Variants in SP7 observed in about 807,000 individuals in gnomAD.
SP7 encodes the protein Sp7 transcription factor.
In SP7, 13 loss-of-function variants were observed where a neutral mutation model predicts 27.9. That is an observed-to-expected ratio of 0.47 (90% CI 0.30 to 0.74). SP7 has a LOEUF of 0.74. Among genes scored for constraint, SP7 ranks in the 30% least tolerant of loss-of-function variants. The pLI is 0.06. For synonymous variants in SP7, 219 were observed against 226.7 expected, an observed-to-expected ratio of 0.97 and a Z score of 0.31; for missense variants, 525 against 558.0, an observed-to-expected ratio of 0.94 and a Z score of 0.60.
chr12:53,331,635 C>A (rs1426444105), intron 2 of SP7, among the ~76,000 whole-genome samples: 1 of 152,118 alleles, frequency 6.6e-6, no homozygotes, highest in Admixed American at 6.5e-5. Flanking sequence ...CCTATAGCAT[C>A]CCTGGCTGGC....
At chr12:53,332,742 G>GGGA (rs1186709904) in intron 2 of SP7, among the ~76,000 whole-genome samples, 1 of 152,060 alleles carries the variant, frequency 6.6e-6, no homozygotes, top group Non-Finnish European at 1.5e-5. Context: ...AAAGAAAAGG[G>GGGA]GGAGGAGGAG....
rs1394106832 is a variant in SP7 at position 53,327,645 on chromosome 12, A to C, written c.*501T>G. 6.4e-6 allele frequency: 1 copy of C among 157,182 alleles called. No individual in the cohort carries two copies. Among genetic ancestry groups the C allele is most frequent in the Non-Finnish European group, 1.4e-5 (1 of 70,806 alleles). 9.7% of individuals were successfully genotyped at this position (157,182 alleles called of 1,614,324 possible). ...GTCACTAACCCCAATACCCCTGATG[A>C]AGAGGCCACCAGGGGGCAATAAATT... On this transcript the variant is annotated 3_prime_UTR_variant, in exon 3 of 3. Coordinates refer to ENST00000536324, the MANE Select transcript of SP7 (RefSeq NM_001173467.3).
chr12:53,341,261 C>G (rs2136853935), upstream of SP7, among the ~76,000 whole-genome samples: 1 of 152,314 alleles, frequency 6.6e-6, no homozygotes, highest in South Asian at 2.1e-4. Flanking sequence ...TTCCCTGAGC[C>G]TTGGGTTCCT....
chr12:53,330,861 A>G (rs1002424049), intron 2 of SP7, among the ~76,000 whole-genome samples: 1 of 152,188 alleles, frequency 6.6e-6, no homozygotes, highest in Non-Finnish European at 1.5e-5. Context: ...CTGGAGAGCA[A>G]GAGGAAGTGA....
At chr12:53,330,503 C>G (rs1212568102) in intron 2 of SP7, among the ~76,000 whole-genome samples, 1 of 152,172 alleles carries the variant, frequency 6.6e-6, no homozygotes, top group Non-Finnish European at 1.5e-5. Flanking sequence ...GGACTACAGG[C>G]ACACACCAGG....
At chr12:53,338,016 A>C (rs1944786788), upstream of SP7, among the ~76,000 whole-genome samples, 1 of 152,134 alleles carries the variant, frequency 6.6e-6, no homozygotes, top group Non-Finnish European at 1.5e-5. Context: ...AAAGAAACTA[A>C]AAAGATAAAG....
upstream of SP7, among the ~76,000 whole-genome samples, chr12:53,337,782 T>C (rs1217696993): frequency 6.6e-6 from 1 of 151,930 alleles, no homozygotes; most frequent in Non-Finnish European, 1.5e-5. Context: ...CATGATTTGA[T>C]TTACCTCAAG....
At chr12:53,340,526 T>C (rs1944814033), upstream of SP7, among the ~76,000 whole-genome samples, 1 of 152,156 alleles carries the variant, frequency 6.6e-6, no homozygotes, top group Non-Finnish European at 1.5e-5. Flanking sequence ...TCCCTGGTCC[T>C]GGGGAACCCC....
In SP7 at chr12:53,327,861, G is replaced by C; in HGVS notation, c.*285C>G. On this transcript the variant is annotated 3_prime_UTR_variant, in exon 3 of 3. Transcript: ENST00000536324. ...TGGGAGCCCAAATAGAAAGTGTGTT[G>C]GTGTGGCAGGGCCAGAGTCTAGGAA... is the stretch of plus-strand genomic sequence containing the variant. 2.4e-6 allele frequency: 1 copy of C among 421,384 alleles called. No homozygotes were observed. The highest frequency in any genetic ancestry group is 5.6e-5 in the South Asian group (1 of 17,784). 26.1% of individuals were successfully genotyped at this position (421,384 alleles called of 1,614,324 possible).
At chr12:53,339,890 T>C (rs564399434), upstream of SP7, among the ~76,000 whole-genome samples, 51 of 152,150 alleles carry the variant, frequency 3.4e-4, no homozygotes, top group Admixed American at 3.2e-3. Flanking sequence ...CAACTCTTCA[T>C]TGTTGCTGTT....
intron 2 of SP7, among the ~76,000 whole-genome samples, chr12:53,335,082 C>T (rs1375096392): frequency 1.3e-5 from 2 of 152,020 alleles, no homozygotes; most frequent in Admixed American, 1.3e-4. Context: ...TCTCTCATAG[C>T]CTACCTCCTC....
intron 2 of SP7, among the ~76,000 whole-genome samples, chr12:53,331,467 T>G (rs1275273180): frequency 2.2e-5 from 1 of 44,908 alleles, no homozygotes; most frequent in East Asian, 8.6e-4. Context: ...CAAGACTCCA[T>G]CTCAAAAAAA....
At position 53,328,448 on chromosome 12, in the gene SP7, C is replaced by A; in HGVS notation, c.994G>T (p.Gly332Cys). 6.2e-7 allele frequency: 1 copy of A among 1,613,936 alleles called. No individual in the cohort carries two copies. The highest frequency in any genetic ancestry group is 8.5e-7 in the Non-Finnish European group (1 of 1,179,880). Residue 332 changes from glycine to cysteine, a missense_variant, in exon 3 of 3, where the codon GGC becomes TGC. Gly to Cys is a radical substitution (Grantham distance 159). Coordinates refer to ENST00000536324, the MANE Select transcript of SP7 (RefSeq NM_001173467.3). The surrounding 1 kb of genome is among the most constrained non-coding windows in gnomAD (Gnocchi z 5.1). ...TCATCCGAACGAGTGAACCTCTTGC[C>A]GCAGAAGAGCCAGTTGCAGACGAAG... ...RPFVCNWLFC[G>C]KRFTRSDELE... is the part of the protein sequence containing the mutation.
At chr12:53,331,335 G>T (rs779078672) in intron 2 of SP7, among the ~76,000 whole-genome samples, 48 of 152,008 alleles carry the variant, frequency 3.2e-4, no homozygotes, top group Non-Finnish European at 5.1e-4. Flanking sequence ...ATCTGGGTGT[G>T]GTGGCAGGCG....
At chr12:53,338,289 G>T (rs747560164), upstream of SP7, among the ~76,000 whole-genome samples, 7 of 152,136 alleles carry the variant, frequency 4.6e-5, no homozygotes, top group African/African-American at 1.7e-4. Flanking sequence ...CCCCTTGTTG[G>T]GGGGGAGTCT....
chr12:53,339,150 C>T (rs1017446143), upstream of SP7, among the ~76,000 whole-genome samples: 3 of 152,204 alleles, frequency 2.0e-5, no homozygotes, highest in Non-Finnish European at 4.4e-5. Context: ...TATCCACCAC[C>T]CCCCACCACC....
intron 1 of SP7, among the ~76,000 whole-genome samples, chr12:53,342,802 G>A (rs1944835207): frequency 1.3e-5 from 2 of 151,724 alleles, no homozygotes; most frequent in Non-Finnish European, 2.9e-5. Flanking sequence ...GTGACACAGA[G>A]AGACTCCGTC....
upstream of SP7, among the ~76,000 whole-genome samples, chr12:53,336,850 A>G (rs1944777343): frequency 1.3e-5 from 2 of 152,036 alleles, no homozygotes; most frequent in Non-Finnish European, 2.9e-5. Flanking sequence ...TTGGTTCCAG[A>G]GCAAGGCCTG....
intron 2 of SP7, among the ~76,000 whole-genome samples, chr12:53,334,746 T>C (rs1944747312): frequency 6.6e-6 from 1 of 152,140 alleles, no homozygotes; most frequent in African/African-American, 2.4e-5. Context: ...CCTTCCCAAC[T>C]CTGTGCCTTG....
Sources: gnomAD v4.1 joint callset for allele counts (sites outside exome capture counted in the v4.1 genomes callset) on GRCh38, gnomAD v4.1.1 for gene constraint, Gnocchi (gnomAD v3.1) non-coding constraint, MANE v1.5 for transcripts, NCBI Gene and HGNC (gene_info 2026-07-23, HGNC 2026-07-21) for gene names.